COL5A1: variants seen among roughly 807,000 people sequenced by gnomAD.
COL5A1 encodes the protein collagen alpha-1(V) chain.
COL5A1 carries 16 observed loss-of-function variants against 263.7 expected under a neutral mutation model. The observed-to-expected ratio is 0.06, with a 90% CI of 0.04 to 0.09. The LOEUF (loss-of-function observed/expected upper bound fraction) is 0.09, where lower values mean the gene tolerates loss of function less well. COL5A1 is among the 10% of genes least tolerant of loss of function. COL5A1 has a pLI of 1.00. For missense variants in COL5A1, 2,036 were observed against 2,540.5 expected (o/e 0.80, Z 4.27); for synonymous variants, 1,012 against 1,004.5 (o/e 1.01, Z -0.14).
At chr9:134,756,514 T>G (rs541849058) in intron 16 of COL5A1, among the ~76,000 whole-genome samples, 34 of 152,318 alleles carry the variant, frequency 2.2e-4, no homozygotes, top group Admixed American at 1.9e-3. Context: ...GATCCCCCTT[T>G]GACAGTCTGG....
chr9:134,838,198 A>G (rs1046437437), intron 65 of COL5A1, among the ~76,000 whole-genome samples: 27 of 152,222 alleles, frequency 1.8e-4, no homozygotes, highest in African/African-American at 6.5e-4. Context: ...GATGGTGGAC[A>G]GCAGGCTGTT....
chr9:134,642,245 C>T lies in COL5A1; in HGVS notation c.58C>T (p.Leu20=), dbSNP rs963245639. 18 of 1,283,098 alleles carry T rather than the reference C, an allele frequency of 1.4e-5. 1 individual carries two copies. In the East Asian group the frequency reaches 5.5e-4, roughly 40 times the overall value. The allele number at this position is 1,283,098 out of a possible 1,614,324, so 79.5% of individuals were successfully genotyped here. A position where few individuals can be genotyped will look rare whatever the true frequency, so the allele number is the denominator to read the frequency against. The change falls in exon 1 of 66, where the codon CTG becomes TTG. Residue 20 remains leucine (L), a synonymous_variant. Transcript: ENST00000371817. The surrounding 1 kb of genome is among the most constrained non-coding windows in gnomAD (Gnocchi z 4.5). ...CGCGCTCCGCCCGGGCGCCCCGCTG[C>T]TGCCCCCGCTGCTGCTGCTGCTGCT... The part of the protein sequence containing the change: ...RSALRPGAPL[L]PPLLLLLLWA...
At chr9:134,778,573 G>C (rs963209637) in intron 27 of COL5A1, among the ~76,000 whole-genome samples, 1 of 152,200 alleles carries the variant, frequency 6.6e-6, no homozygotes, top group African/African-American at 2.4e-5. Flanking sequence ...GCTGTGCCCT[G>C]TCCCCCCAAG....
Position 134,794,941 on chromosome 9 carries a change from G to C in COL5A1, c.2701-141G>C. On this transcript the variant is annotated intron_variant, in intron 32 of 65. Coordinates refer to ENST00000371817, the MANE Select transcript of COL5A1 (RefSeq NM_000093.5). The surrounding 1 kb of genome is among the most constrained non-coding windows in gnomAD (Gnocchi z 4.3). ...CTGATAAATCTCCTATTAAAACACG[G>C]AAAAGGTGGGTGGCGGGGAGGCCCA... 2 of 853,080 alleles carry C rather than the reference G, an allele frequency of 2.3e-6. No individual in the cohort carries two copies. The highest frequency in any genetic ancestry group is 5.3e-5 in the East Asian group (2 of 37,982). 52.8% of individuals were successfully genotyped at this position (853,080 alleles called of 1,614,324 possible). A position where few individuals can be genotyped will look rare whatever the true frequency, so the allele number is the denominator to read the frequency against.
At chr9:134,813,346 G>T (rs1230377886) in intron 48 of COL5A1, among the ~76,000 whole-genome samples, 1 of 152,170 alleles carries the variant, frequency 6.6e-6, no homozygotes, top group Non-Finnish European at 1.5e-5. Flanking sequence ...GTACATCCAT[G>T]CACTTGAGCC....
intron 64 of COL5A1, among the ~76,000 whole-genome samples, chr9:134,833,760 C>G (rs1173200233): frequency 6.6e-6 from 1 of 152,240 alleles, no homozygotes; most frequent in Non-Finnish European, 1.5e-5. Flanking sequence ...TGCTCACAGT[C>G]TCCCTGGCCA....
intron 25 of COL5A1, among the ~76,000 whole-genome samples, chr9:134,769,860 C>T (rs1281382916): frequency 6.6e-6 from 1 of 152,160 alleles, no homozygotes; most frequent in African/African-American, 2.4e-5. Context: ...GTGAAGGGGG[C>T]TGCACCCCAC....
chr9:134,759,846 A>AC (rs1200528992), intron 18 of COL5A1, among the ~76,000 whole-genome samples: 19 of 44,118 alleles, frequency 4.3e-4, no homozygotes, highest in Admixed American at 1.6e-3. Flanking sequence ...ACTCACGCAC[A>AC]CCCCCACACC....
intron 4 of COL5A1, among the ~76,000 whole-genome samples, chr9:134,714,883 A>T (rs994028945): frequency 7.1e-6 from 1 of 141,020 alleles, no homozygotes; most frequent in Non-Finnish European, 1.6e-5. Flanking sequence ...AGTGGTGGTG[A>T]TGCTGGTGAA....
chr9:134,772,859 C>A, intron 26 of COL5A1, 25 bp downstream of exon 26: 1 of 1,612,388 alleles, frequency 6.2e-7, no homozygotes, highest in Non-Finnish European at 8.5e-7. Flanking sequence ...CGCCCTCCTA[C>A]CCTTCAGCAT....
Position 134,728,692 on chromosome 9 carries a change from G to C in COL5A1, c.809G>C (p.Gly270Ala). 1 of 1,614,184 alleles carries C rather than the reference G, an allele frequency of 6.2e-7. No homozygotes were observed. Among genetic ancestry groups the C allele is most frequent in the Non-Finnish European group, 8.5e-7 (1 of 1,180,042 alleles). Reference sequence around the variant, plus strand: ...CAGTACACGGAAGGAGACGGCGAGGGTGAGACCTATTACTACGAATACCCC... The same window carrying C: ...CAGTACACGGAAGGAGACGGCGAGGCTGAGACCTATTACTACGAATACCCC... ...DEYYTEGDGEGETYYYEYPYY... is the reference protein window; with the variant it reads ...DEYYTEGDGEAETYYYEYPYY... Residue 270 changes from glycine (G) to alanine (A), a missense_variant, in exon 6 of 66, where the codon GGT becomes GCT. This residue lies in a region of COL5A1 where 600 missense variants were observed against 634.5 expected (regional missense o/e 0.95). Coordinates refer to ENST00000371817, the MANE Select transcript of COL5A1 (RefSeq NM_000093.5).
At chr9:134,816,372 G>A (rs563664830) in intron 52 of COL5A1, among the ~76,000 whole-genome samples, 3 of 152,320 alleles carry the variant, frequency 2.0e-5, no homozygotes, top group Admixed American at 6.5e-5. Context: ...CACACTGGAC[G>A]TTGCATCTGA....
chr9:134,794,384 C>T lies in COL5A1; in HGVS notation c.2701-698C>T, dbSNP rs1484302475. Among the ~76,000 whole-genome samples the T allele has an allele frequency of 2.6e-5, 4 of 151,792 alleles. No homozygotes were observed. Among genetic ancestry groups the T allele is most frequent in the Admixed American group, 2.0e-4 (3 of 15,242 alleles). On this transcript the variant is annotated intron_variant, in intron 32 of 65. Transcript: ENST00000371817. The surrounding 1 kb of genome is among the most constrained non-coding windows in gnomAD (Gnocchi z 4.3). ...AAGTTCAGGAAGCTGAGTTGGGACA[C>T]GGTGGGGGATGTAGGGGCCCCTGCG...
chr9:134,820,287 CACCCAGGGGACAGGA>C, intron 58 of COL5A1, 64 bp downstream of exon 58: 1 of 1,314,474 alleles, frequency 7.6e-7, no homozygotes, highest in Non-Finnish European at 1.1e-6. Context: ...CTGGGGCAGG[CACCCAGGGGACAGGA>C]GGCCCATCAG....
At chr9:134,722,458 C>T (rs1322448287) in intron 4 of COL5A1, among the ~76,000 whole-genome samples, 2 of 152,206 alleles carry the variant, frequency 1.3e-5, no homozygotes, top group African/African-American at 4.8e-5. Flanking sequence ...CAAGGTATGG[C>T]CGCTGTGCTG....
rs566789558 is a variant in COL5A1, at chr9:134,777,726, C to A, written c.2386-2376C>A. ...GGGCAGGGAGGGAGCAGCAGCGTCC[C>A]CCAGCCTGCCCAGCCAGAGGGAGGA... On this transcript the variant is annotated intron_variant, in intron 27 of 65. Coordinates refer to ENST00000371817, the MANE Select transcript of COL5A1 (RefSeq NM_000093.5). Among the ~76,000 whole-genome samples the A allele has an allele frequency of 2.9e-3, 440 of 152,302 alleles. 4 individuals are homozygous for A. Among genetic ancestry groups the A allele is most frequent in the Non-Finnish European group, 5.3e-3 (362 of 68,022 alleles).
intron 18 of COL5A1, among the ~76,000 whole-genome samples, chr9:134,759,814 G>GCA (rs1836221467): frequency 2.5e-5 from 1 of 39,270 alleles, no homozygotes; most frequent in Non-Finnish European, 3.9e-5. Flanking sequence ...ATGCACACAC[G>GCA]CATACACACC....
intron 2 of COL5A1, among the ~76,000 whole-genome samples, chr9:134,697,111 C>T (rs1833506984): frequency 6.6e-6 from 1 of 151,886 alleles, no homozygotes; most frequent in Non-Finnish European, 1.5e-5. Flanking sequence ...GTCCGGAGCC[C>T]ACCCCTCAAC....
chr9:134,779,174 C>T (rs1288108759), intron 27 of COL5A1, among the ~76,000 whole-genome samples: 1 of 152,262 alleles, frequency 6.6e-6, no homozygotes, highest in African/African-American at 2.4e-5. Context: ...TTCTCTCTCT[C>T]TCTCAAGTCC....
Sources: gnomAD v4.1 joint callset for allele counts (sites outside exome capture counted in the v4.1 genomes callset) on GRCh38, gnomAD v4.1.1 for gene constraint, gnomAD v4.1.1 regional missense constraint, Gnocchi (gnomAD v3.1) non-coding constraint, MANE v1.5 for transcripts, NCBI Gene and HGNC (gene_info 2026-07-23, HGNC 2026-07-21) for gene names.